SPATS2: variants seen among roughly 807,000 people sequenced by gnomAD.
The protein encoded by SPATS2 is spermatogenesis associated serine rich 2, also known as spermatogenesis-associated serine-rich protein 2.
In SPATS2, 38 loss-of-function variants were observed where a neutral mutation model predicts 63.7. The observed-to-expected ratio is 0.60, with a 90% confidence interval of 0.46 to 0.78. The LOEUF (loss-of-function observed/expected upper bound fraction) is 0.78. SPATS2 is among the 30% of genes least tolerant of loss of function. The pLI is 0.00. For missense variants in SPATS2, 588 were observed against 666.2 expected, an observed-to-expected ratio of 0.88 and a Z score of 1.29; for synonymous variants, 207 against 232.9, an observed-to-expected ratio of 0.89 and a Z score of 1.01.
At chr12:49,429,337 A>G (rs1565717268) in intron 2 of SPATS2, among the ~76,000 whole-genome samples, 1 of 152,196 alleles carries the variant, frequency 6.6e-6, no homozygotes, top group African/African-American at 2.4e-5. Context: ...CAAGTCTTAC[A>G]ATTATGGGAG....
intron 2 of SPATS2, among the ~76,000 whole-genome samples, chr12:49,429,859 C>A (rs1592386962): frequency 6.6e-6 from 1 of 150,664 alleles, no homozygotes; most frequent in African/African-American, 2.5e-5. Flanking sequence ...CAGCTCACTG[C>A]AACCTCCGCC....
At chr12:49,462,866 T>C (rs1435470538) in intron 3 of SPATS2, 2 of 208,880 alleles carry the variant, frequency 9.6e-6, no homozygotes, top group Middle Eastern at 1.8e-3. Flanking sequence ...CTGGGGTCTT[T>C]ATAGGCACAG....
chr12:49,430,598 CA>C (rs1945169089), intron 2 of SPATS2, among the ~76,000 whole-genome samples: 1 of 152,066 alleles, frequency 6.6e-6, no homozygotes, highest in South Asian at 2.1e-4. Context: ...ATCTTCTTGA[CA>C]CATTTCATGA....
rs146094998 is a variant in SPATS2, at chr12:49,494,892, A to G, written c.416A>G (p.Asn139Ser). 32 of 1,613,934 alleles carry G rather than the reference A, an allele frequency of 2.0e-5. No homozygotes were observed. Among genetic ancestry groups the G allele is most frequent in the Admixed American group, 1.2e-4 (7 of 59,950 alleles). The change falls in exon 7 of 14, where the codon AAT becomes AGT. Residue 139 changes from asparagine (N) to serine (S), a missense_variant. Coordinates refer to ENST00000552918, the MANE Select transcript of SPATS2 (RefSeq NM_023071.4). Reference sequence around the variant, plus strand: ...GGCTACCATGTCAATGGTGCCATCAATGACACTGAGTCTGTGGACTCACTC... The same window carrying G: ...GGCTACCATGTCAATGGTGCCATCAGTGACACTGAGTCTGTGGACTCACTC... Reference protein sequence around the residue: ...MNGYHVNGAINDTESVDSLSE... With the variant: ...MNGYHVNGAISDTESVDSLSE...
intron 3 of SPATS2, among the ~76,000 whole-genome samples, chr12:49,475,042 T>C (rs2137776589): frequency 6.6e-6 from 1 of 152,308 alleles, no homozygotes; most frequent in African/African-American, 2.4e-5. Context: ...CACCCATGAT[T>C]CAGTCATCTC....
chr12:49,526,565 C>T lies in SPATS2; in HGVS notation c.*310C>T. On this transcript the variant is annotated 3_prime_UTR_variant, in exon 14 of 14. Coordinates refer to ENST00000552918, the MANE Select transcript of SPATS2 (RefSeq NM_023071.4). ...GATCCCTCCACTGTCCAGGCTGTCT[C>T]AGGAGGAGGTGAATCAGAGCTAGTC... 3.0e-6 allele frequency: 1 copy of T among 331,580 alleles called. No homozygotes were observed. Among genetic ancestry groups the T allele is most frequent in the South Asian group, 4.3e-5 (1 of 23,124 alleles). The allele number at this position is 331,580 out of a possible 1,614,324, so 20.5% of individuals were successfully genotyped here. A position where few individuals can be genotyped will look rare whatever the true frequency, so the allele number is the denominator to read the frequency against.
intron 2 of SPATS2, among the ~76,000 whole-genome samples, chr12:49,395,304 T>C (rs1944489386): frequency 6.6e-6 from 1 of 151,286 alleles, no homozygotes; most frequent in Non-Finnish European, 1.5e-5. Flanking sequence ...AGTCTTCTTT[T>C]ATTTCTTTTT....
At chr12:49,384,880 G>A (rs1787956030) in intron 2 of SPATS2, among the ~76,000 whole-genome samples, 1 of 151,842 alleles carries the variant, frequency 6.6e-6, no homozygotes, top group East Asian at 1.9e-4. Flanking sequence ...CGCGACCTTG[G>A]CTCACCGCAA....
chr12:49,500,361 A>G (rs920815283), intron 9 of SPATS2, among the ~76,000 whole-genome samples, 156 bp downstream of exon 9: 8 of 152,128 alleles, frequency 5.3e-5, no homozygotes, highest in African/African-American at 1.4e-4. Flanking sequence ...GCTTTGTTCT[A>G]TTTCTCTTGG....
At position 49,503,328 on chromosome 12, in the gene SPATS2, C is replaced by T. The variant is rs1262620870; in HGVS notation, c.839+3123C>T. Among the ~76,000 whole-genome samples, 4 of 150,834 alleles carry T rather than the reference C, an allele frequency of 2.7e-5. No individual in the cohort carries two copies. The South Asian group carries it at 6.3e-4, about 24-fold the overall frequency. ...TCGCGCCATTGCACTCCAGCCTGGG[C>T]GATAGGGCGAGACTCCATCTCAAAA... On this transcript the variant is annotated intron_variant, in intron 9 of 13. Transcript: ENST00000552918.
intron 2 of SPATS2, among the ~76,000 whole-genome samples, chr12:49,440,854 A>G (rs1327719238): frequency 6.6e-6 from 1 of 152,152 alleles, no homozygotes; most frequent in Non-Finnish European, 1.5e-5. Flanking sequence ...CAGATTATGC[A>G]GTTTTGGCAG....
At chr12:49,436,918 C>T (rs1301431842) in intron 2 of SPATS2, among the ~76,000 whole-genome samples, 1 of 135,942 alleles carries the variant, frequency 7.4e-6, no homozygotes, top group African/African-American at 2.8e-5. Context: ...GGATGACCCC[C>T]CCACCTCCCT....
chr12:49,400,758 T>G (rs894328002), intron 2 of SPATS2, among the ~76,000 whole-genome samples: 1 of 151,712 alleles, frequency 6.6e-6, no homozygotes, highest in Non-Finnish European at 1.5e-5. Context: ...AATAGAGGAG[T>G]GGGAGAATGA....
intron 2 of SPATS2, among the ~76,000 whole-genome samples, chr12:49,432,436 C>A (rs1945201248): frequency 6.6e-6 from 1 of 152,222 alleles, no homozygotes; most frequent in African/African-American, 2.4e-5. Context: ...AGCACCACTG[C>A]ACTCCAGCCT....
At chr12:49,444,929 G>A (rs1565725640) in intron 2 of SPATS2, among the ~76,000 whole-genome samples, 1 of 152,118 alleles carries the variant, frequency 6.6e-6, no homozygotes, top group Non-Finnish European at 1.5e-5. Context: ...TTGTATATTG[G>A]TTTAATTATT....
intron 2 of SPATS2, among the ~76,000 whole-genome samples, chr12:49,394,645 G>A (rs1331740750): frequency 6.6e-6 from 1 of 151,026 alleles, no homozygotes; most frequent in African/African-American, 2.4e-5. Flanking sequence ...ATTGCTTGTT[G>A]CTAGTATATA....
intron 3 of SPATS2, among the ~76,000 whole-genome samples, chr12:49,481,522 C>G (rs1384354836): frequency 7.8e-6 from 1 of 128,856 alleles, no homozygotes; most frequent in Non-Finnish European, 1.5e-5. Context: ...GGCTGGAGTG[C>G]AGTGGCTCAT....
intron 6 of SPATS2, 91 bp downstream of exon 6, chr12:49,490,822 A>G (rs1388357897): frequency 2.5e-6 from 3 of 1,199,390 alleles, no homozygotes; most frequent in African/African-American, 1.5e-5. Context: ...AAAGGTTCAC[A>G]TACATATCTT....
intron 2 of SPATS2, chr12:49,387,183 T>C (rs1268934116): frequency 2.6e-5 from 4 of 152,194 alleles, no homozygotes; most frequent in Non-Finnish European, 4.4e-5. Context: ...CAGAGGCCAG[T>C]GTGGCCCCAG....
Sources: allele counts gnomAD v4.1 joint callset (sites outside exome capture counted in the v4.1 genomes callset), GRCh38; gene constraint gnomAD v4.1.1; transcripts MANE v1.5; gene names NCBI Gene and HGNC (gene_info 2026-07-23, HGNC 2026-07-21).